The following RYR2 variants were observed in gnomAD, a reference collection of about 807,000 sequenced individuals.
RYR2 encodes cardiac muscle ryanodine receptor-calcium release channel.
In RYR2, 227 loss-of-function variants were observed where a neutral mutation model predicts 601.1. That is an observed-to-expected ratio of 0.38 (90% CI 0.34 to 0.42). The LOEUF (loss-of-function observed/expected upper bound fraction) is 0.42. RYR2 is among the 10% of genes least tolerant of loss of function. RYR2 has a pLI of 1.00. For missense variants in RYR2, 4,646 were observed against 6,156.5 expected (o/e 0.75, Z 8.21); for synonymous variants, 2,223 against 2,175.1 (o/e 1.02, Z -0.61).
intron 1 of RYR2, among the ~76,000 whole-genome samples, chr1:237,206,005 G>A (rs1681770817): frequency 6.6e-6 from 1 of 152,254 alleles, no homozygotes; most frequent in South Asian, 2.1e-4. Context: ...CTTCCACGAG[G>A]AAATGGCTCA....
chr1:237,695,907 G>C (rs1052620444), intron 63 of RYR2, among the ~76,000 whole-genome samples: 2 of 152,178 alleles, frequency 1.3e-5, no homozygotes, highest in Non-Finnish European at 2.9e-5. Context: ...GTGGAGTTCA[G>C]TTTATTCCTT....
intron 1 of RYR2, among the ~76,000 whole-genome samples, chr1:237,208,882 C>T (rs1231319472): frequency 6.9e-6 from 1 of 145,040 alleles, no homozygotes; most frequent in Non-Finnish European, 1.5e-5. Flanking sequence ...CTCGCTATGA[C>T]CCCTGGTAAC....
rs191337130 is a variant in RYR2, at chr1:237,295,661, C to T, written c.168+25045C>T. ...GTAATAAGATCTTTTAATATTTTTA[C>T]CGCTAGAATCTCTATGAACATTGTC... On this transcript the variant is annotated intron_variant, in intron 2 of 104. Transcript: ENST00000366574. Among the ~76,000 whole-genome samples the T allele has an allele frequency of 1.1e-4, 16 of 152,156 alleles. No individual in the cohort carries two copies. In the East Asian group the frequency reaches 2.7e-3, roughly 26 times the overall value.
rs749566745 is a variant in RYR2, at chr1:237,270,577, C to T, written c.129C>T (p.Gly43=). The T allele has an allele frequency of 2.5e-6, 4 of 1,596,792 alleles. No individual in the cohort carries two copies. Residue 43 remains glycine, a synonymous_variant, in exon 2 of 105, where the codon GGC becomes GGT. Transcript: ENST00000366574. ...QKLCLAAEGF[G]NRLCFLESTS... ...TATGCTTGGCAGCAGAAGGATTTGG[C>T]AACAGACTTTGTTTCTTGGAGTCCA...
intron 1 of RYR2, among the ~76,000 whole-genome samples, chr1:237,216,759 AAAAAAAC>A (rs1025184610): frequency 7.3e-5 from 11 of 151,652 alleles, no homozygotes; most frequent in East Asian, 1.9e-4. Context: ...CACCAAAAAA[AAAAAAAC>A]AAAAAACAAA....
intron 80 of RYR2, among the ~76,000 whole-genome samples, chr1:237,750,039 G>A (rs184671748): frequency 5.3e-5 from 8 of 152,160 alleles, no homozygotes; most frequent in East Asian, 1.9e-4. Context: ...CCAGCTACTC[G>A]GGAGGCCGAG....
chr1:237,243,817 C>G (rs1686473984), intron 1 of RYR2, among the ~76,000 whole-genome samples: 1 of 152,106 alleles, frequency 6.6e-6, no homozygotes, highest in African/African-American at 2.4e-5. Flanking sequence ...GAGCCAGGAA[C>G]CAATACATGT....
At chr1:237,648,699 T>C (rs1682421790) in intron 49 of RYR2, 86 bp downstream of exon 49, 1 of 1,382,534 alleles carries the variant, frequency 7.2e-7, no homozygotes, top group Non-Finnish European at 9.7e-7. Context: ...CATTCATTAA[T>C]TTATTGACAA....
chr1:237,539,746 T>C (rs1418398277), intron 25 of RYR2, among the ~76,000 whole-genome samples: 1 of 152,126 alleles, frequency 6.6e-6, no homozygotes, highest in Non-Finnish European at 1.5e-5. Context: ...ATGCTGGGCT[T>C]CACACGTAGT....
intron 84 of RYR2, among the ~76,000 whole-genome samples, chr1:237,761,588 G>A (rs1042235357): frequency 4.6e-5 from 7 of 152,170 alleles, no homozygotes; most frequent in African/African-American, 1.4e-4. Context: ...CAAAAGCAGA[G>A]ATACACGTGA....
At chr1:237,622,082 A>G (rs370023083) in intron 38 of RYR2, among the ~76,000 whole-genome samples, 5 of 152,218 alleles carry the variant, frequency 3.3e-5, no homozygotes, top group East Asian at 1.9e-4. Context: ...TTACAATAGC[A>G]TATAAGTCTA....
chr1:237,181,311 C>G (rs1678734162), intron 1 of RYR2, among the ~76,000 whole-genome samples: 1 of 149,504 alleles, frequency 6.7e-6, no homozygotes, highest in South Asian at 2.1e-4. Flanking sequence ...ATTACCGTAT[C>G]TAATCCTCAC....
chr1:237,303,453 C>T (rs1383471002), intron 2 of RYR2, among the ~76,000 whole-genome samples: 4 of 151,756 alleles, frequency 2.6e-5, no homozygotes, highest in East Asian at 1.9e-4. Flanking sequence ...GTGCACGCCA[C>T]CACTCCTGGC....
chr1:237,680,827 C>A (rs774956325), intron 62 of RYR2, among the ~76,000 whole-genome samples: 50 of 152,168 alleles, frequency 3.3e-4, no homozygotes, highest in Non-Finnish European at 5.7e-4. Context: ...TCACTCATTT[C>A]ACAATCTACA....
intron 27 of RYR2, among the ~76,000 whole-genome samples, chr1:237,556,916 C>A (rs1249701488): frequency 8.9e-6 from 1 of 112,976 alleles, no homozygotes; most frequent in African/African-American, 3.2e-5. Context: ...AAAACCCTCT[C>A]AGTGGCTAAA....
chr1:237,233,735 A>G (rs1397743609), intron 1 of RYR2, among the ~76,000 whole-genome samples: 1 of 152,060 alleles, frequency 6.6e-6, no homozygotes, highest in Non-Finnish European at 1.5e-5. Context: ...GCTCACTGCA[A>G]TCTCTTCCTC....
At chr1:237,677,566 T>G (rs1314064903) in intron 60 of RYR2, among the ~76,000 whole-genome samples, 1 of 152,142 alleles carries the variant, frequency 6.6e-6, no homozygotes, top group Non-Finnish European at 1.5e-5. Context: ...CTTCCTGCAG[T>G]TTTTTAGTTT....
At chr1:237,715,568 T>C (rs1158102607) in intron 71 of RYR2, among the ~76,000 whole-genome samples, 1 of 152,170 alleles carries the variant, frequency 6.6e-6, no homozygotes, top group Admixed American at 6.6e-5. Context: ...CTCACAAATA[T>C]TTATAAATAT....
intron 1 of RYR2, among the ~76,000 whole-genome samples, chr1:237,217,328 CTT>C (rs201492398): frequency 3.4e-5 from 5 of 146,482 alleles, no homozygotes; most frequent in African/African-American, 1.0e-4. Context: ...AATTAAAACA[CTT>C]TTTTTTTTTT....
Sources: allele counts gnomAD v4.1 joint callset (sites outside exome capture counted in the v4.1 genomes callset), GRCh38; gene constraint gnomAD v4.1.1; transcripts MANE v1.5; gene names NCBI Gene and HGNC (gene_info 2026-07-23, HGNC 2026-07-21).